Variants in PDE4B observed in about 807,000 individuals in gnomAD.
PDE4B encodes 3',5'-cyclic-AMP phosphodiesterase 4B.
A neutral mutation model predicts 82.2 loss-of-function variants in PDE4B; 20 were observed. That is an observed-to-expected ratio of 0.24 (90% confidence interval 0.17 to 0.35). The LOEUF (loss-of-function observed/expected upper bound fraction) is 0.35. Ranked by LOEUF, PDE4B falls within the 10% of genes least tolerant of loss-of-function variation. The pLI, the probability that PDE4B is intolerant of heterozygous loss-of-function variation, is 1.00. For missense variants in PDE4B, 655 were observed against 907.2 expected, an observed-to-expected ratio of 0.72 and a Z score of 3.57; for synonymous variants, 320 against 318.9, an observed-to-expected ratio of 1.00 and a Z score of -0.04.
chr1:66,335,369 T>G (rs1660440852), intron 8 of PDE4B, among the ~76,000 whole-genome samples: 1 of 152,204 alleles, frequency 6.6e-6, no homozygotes, highest in African/African-American at 2.4e-5. Context: ...ATTACATAAG[T>G]GCAGTCTACA....
At chr1:66,099,184 G>GTTC (rs66516547) in intron 3 of PDE4B, among the ~76,000 whole-genome samples, 39,962 of 151,812 alleles carry the variant, frequency 0.26, 6,192 homozygotes, top group Middle Eastern at 0.36. Context: ...GGTTCTCATG[G>GTTC]TTCAGCTCCA....
chr1:66,309,264 A>G (rs1046027132), intron 7 of PDE4B, among the ~76,000 whole-genome samples: 2 of 152,208 alleles, frequency 1.3e-5, no homozygotes, highest in African/African-American at 4.8e-5. Context: ...ACAAGACGTA[A>G]TGGTCTAAAA....
intron 3 of PDE4B, among the ~76,000 whole-genome samples, chr1:66,183,403 A>T (rs1366153763): frequency 6.6e-6 from 1 of 152,214 alleles, no homozygotes; most frequent in East Asian, 1.9e-4. Context: ...ATATGTTCAG[A>T]TGCTAATTTT....
At position 65,987,515 on chromosome 1, in the gene PDE4B, G is replaced by T. The variant is rs527819201; in HGVS notation, c.281+68680G>T. Among the ~76,000 whole-genome samples, 3 of 152,294 alleles carry T rather than the reference G, an allele frequency of 2.0e-5. No individual in the cohort carries two copies. The East Asian group carries it at 5.8e-4, about 29-fold the overall frequency. On this transcript the variant is annotated intron_variant, in intron 3 of 16. Transcript: ENST00000341517. ...GTTATAAAAAGCTTGGATAGCATTG[G>T]TGAAGTATAATAAAATGGACACTAT...
At chr1:66,119,476 G>A (rs952570148) in intron 3 of PDE4B, among the ~76,000 whole-genome samples, 2 of 143,702 alleles carry the variant, frequency 1.4e-5, no homozygotes, top group African/African-American at 2.6e-5. Context: ...AAAGAAGTGC[G>A]TGTATTCACT....
intron 3 of PDE4B, among the ~76,000 whole-genome samples, chr1:66,112,967 T>C (rs548287154): frequency 6.6e-6 from 1 of 152,346 alleles, no homozygotes; most frequent in South Asian, 2.1e-4. Flanking sequence ...TTGCACTTTG[T>C]AGTGACTGTG....
intron 7 of PDE4B, among the ~76,000 whole-genome samples, chr1:66,299,868 T>A (rs1027872144): frequency 6.6e-6 from 1 of 152,202 alleles, no homozygotes; most frequent in African/African-American, 2.4e-5. Flanking sequence ...TTAAGGGAAA[T>A]TGAATTTTAT....
At chr1:66,046,396 A>C (rs907661423) in intron 3 of PDE4B, 2 of 151,880 alleles carry the variant, frequency 1.3e-5, no homozygotes, top group Non-Finnish European at 2.9e-5. Flanking sequence ...TGAGAAAAAG[A>C]AATGTATTTT....
At chr1:65,904,347 T>G (rs972468726) in intron 1 of PDE4B, among the ~76,000 whole-genome samples, 1 of 152,194 alleles carries the variant, frequency 6.6e-6, no homozygotes, top group Non-Finnish European at 1.5e-5. Context: ...GAAAAAATAC[T>G]TGGTGAATTC....
At chr1:66,026,099 C>T (rs1653418053) in intron 3 of PDE4B, among the ~76,000 whole-genome samples, 1 of 152,120 alleles carries the variant, frequency 6.6e-6, no homozygotes. Flanking sequence ...GGCAATATTG[C>T]TTTATAAATG....
At chr1:66,074,833 A>C (rs1161458871) in intron 3 of PDE4B, among the ~76,000 whole-genome samples, 1 of 152,048 alleles carries the variant, frequency 6.6e-6, no homozygotes, top group African/African-American at 2.4e-5. Flanking sequence ...TTTATGGCTG[A>C]ATAATATTTA....
At position 66,210,104 on chromosome 1, in the gene PDE4B, G is replaced by C. The variant is rs1226754084; in HGVS notation, c.282-37356G>C. Among the ~76,000 whole-genome samples the C allele has an allele frequency of 2.0e-5, 3 of 152,258 alleles. No homozygotes were observed. The East Asian group carries it at 5.8e-4, about 29-fold the overall frequency. On this transcript the variant is annotated intron_variant, in intron 3 of 16. Transcript: ENST00000341517. ...ACAAGAACTCTAGGAATATAACATGGAATCCAGCTAATTTCTGAAACTCAT... is the reference window on the plus strand; with the variant it reads ...ACAAGAACTCTAGGAATATAACATGCAATCCAGCTAATTTCTGAAACTCAT...
intron 3 of PDE4B, among the ~76,000 whole-genome samples, chr1:65,975,091 G>T (rs111561021): frequency 0.062 from 9,483 of 152,274 alleles, 347 homozygotes; most frequent in Middle Eastern, 0.2. Context: ...CTAGAGACTT[G>T]TTGAATGGTT....
chr1:66,240,513 C>A (rs17128630), intron 3 of PDE4B, among the ~76,000 whole-genome samples: 1 of 152,202 alleles, frequency 6.6e-6, no homozygotes, highest in Admixed American at 6.5e-5. Flanking sequence ...CTGGATAGAG[C>A]GGACCTGCTG....
chr1:66,242,554 G>T (rs567052713), intron 3 of PDE4B, among the ~76,000 whole-genome samples: 3 of 152,298 alleles, frequency 2.0e-5, no homozygotes, highest in African/African-American at 7.2e-5. Flanking sequence ...CTAGGATGTT[G>T]CTTCATGAGT....
At chr1:66,213,676 G>A (rs1451445907) in intron 3 of PDE4B, among the ~76,000 whole-genome samples, 2 of 152,120 alleles carry the variant, frequency 1.3e-5, no homozygotes, top group Non-Finnish European at 2.9e-5. Flanking sequence ...CCACGTGTAT[G>A]GCTGGATGAC....
At chr1:65,835,502 T>G (rs1228388395) in intron 1 of PDE4B, among the ~76,000 whole-genome samples, 2 of 152,104 alleles carry the variant, frequency 1.3e-5, no homozygotes, top group Admixed American at 6.6e-5. Flanking sequence ...CAAGACCAAT[T>G]AGGTGGCCCT....
intron 3 of PDE4B, among the ~76,000 whole-genome samples, chr1:65,965,377 A>G (rs1649763927): frequency 6.6e-6 from 1 of 152,180 alleles, no homozygotes; most frequent in African/African-American, 2.4e-5. Flanking sequence ...TACAAAGCAC[A>G]TATTGTTGTC....
intron 3 of PDE4B, among the ~76,000 whole-genome samples, chr1:66,168,025 G>A (rs1055576005): frequency 2.6e-5 from 4 of 152,152 alleles, no homozygotes; most frequent in Admixed American, 2.0e-4. Flanking sequence ...TCCTGTAAGA[G>A]AGTTACCTTG....
Sources: allele counts gnomAD v4.1 joint callset (sites outside exome capture counted in the v4.1 genomes callset), GRCh38; gene constraint gnomAD v4.1.1; transcripts MANE v1.5; gene names NCBI Gene and HGNC (gene_info 2026-07-23, HGNC 2026-07-21).